Variants in NELL1 observed in about 807,000 individuals in gnomAD.
NELL1 encodes protein kinase C-binding protein NELL1.
Under a neutral mutation model 107.4 loss-of-function variants are expected in NELL1, and 76 were observed. That is an observed-to-expected ratio of 0.71 (90% CI 0.59 to 0.86). NELL1 has a LOEUF of 0.86. Ranked by LOEUF, NELL1 falls within the 40% of genes least tolerant of loss-of-function variation. The probability of loss-of-function intolerance (pLI) is 0.00; values close to 1 mark genes in which losing one functional copy is unlikely to be tolerated. For missense variants in NELL1, 1,024 were observed against 1,005.5 expected (o/e 1.02, Z -0.25); for synonymous variants, 353 against 341.2 (o/e 1.03, Z -0.38).
At chr11:21,147,185 T>C (rs192394695) in intron 13 of NELL1, among the ~76,000 whole-genome samples, 4 of 152,332 alleles carry the variant, frequency 2.6e-5, no homozygotes, top group Admixed American at 2.6e-4. Flanking sequence ...ATTTAATAGC[T>C]GTTATTTGAA....
chr11:21,343,626 G>C (rs1490851046), intron 14 of NELL1, among the ~76,000 whole-genome samples: 1 of 152,108 alleles, frequency 6.6e-6, no homozygotes, highest in Non-Finnish European at 1.5e-5. Flanking sequence ...AGATATTTTA[G>C]CTTTGTGTAG....
intron 12 of NELL1, among the ~76,000 whole-genome samples, chr11:20,962,628 T>C (rs1488236687): frequency 3.3e-5 from 5 of 152,200 alleles, no homozygotes; most frequent in African/African-American, 1.2e-4. Flanking sequence ...AAAGACTGGC[T>C]CCATGAGGAG....
chr11:21,156,327 G>A (rs1308861643), intron 13 of NELL1, among the ~76,000 whole-genome samples: 3 of 152,178 alleles, frequency 2.0e-5, no homozygotes. Context: ...TGCTCCAGCA[G>A]GGCACAGTTG....
At chr11:21,242,670 A>G (rs1205217404) in intron 14 of NELL1, among the ~76,000 whole-genome samples, 1 of 151,790 alleles carries the variant, frequency 6.6e-6, no homozygotes, top group Non-Finnish European at 1.5e-5. Context: ...AATTACTGTG[A>G]ATATCCAGAG....
intron 7 of NELL1, among the ~76,000 whole-genome samples, chr11:20,926,014 A>G (rs1564970316): frequency 6.6e-6 from 1 of 152,190 alleles, no homozygotes; most frequent in Admixed American, 6.5e-5. Flanking sequence ...AGTTAGATCA[A>G]AGGTTGAATT....
intron 14 of NELL1, among the ~76,000 whole-genome samples, chr11:21,349,290 G>A (rs1389651537): frequency 6.6e-6 from 1 of 152,158 alleles, no homozygotes; most frequent in African/African-American, 2.4e-5. Context: ...GCATTAACAT[G>A]TATGACAATA....
At chr11:21,001,301 C>G (rs1210902969) in intron 12 of NELL1, among the ~76,000 whole-genome samples, 1 of 152,134 alleles carries the variant, frequency 6.6e-6, no homozygotes, top group Non-Finnish European at 1.5e-5. Context: ...AAGTTGTTCC[C>G]ACTTTTTCCC....
intron 2 of NELL1, among the ~76,000 whole-genome samples, chr11:20,749,006 T>C (rs184527943): frequency 3.3e-5 from 5 of 151,844 alleles, no homozygotes; most frequent in African/African-American, 1.2e-4. Context: ...TAGGAATTGT[T>C]TTAAGCAATA....
intron 15 of NELL1, among the ~76,000 whole-genome samples, chr11:21,499,823 G>C (rs1377126378): frequency 6.6e-6 from 1 of 152,084 alleles, no homozygotes; most frequent in African/African-American, 2.4e-5. Context: ...TAATCACTGT[G>C]TTGCATCCTT....
At chr11:21,447,474 T>C (rs2133853579) in intron 15 of NELL1, among the ~76,000 whole-genome samples, 1 of 152,256 alleles carries the variant, frequency 6.6e-6, no homozygotes, top group South Asian at 2.1e-4. Flanking sequence ...GGCCATGGGC[T>C]CTTAAATCAG....
At chr11:21,047,728 G>A (rs1257922552) in intron 12 of NELL1, among the ~76,000 whole-genome samples, 1 of 152,106 alleles carries the variant, frequency 6.6e-6, no homozygotes, top group East Asian at 1.9e-4. Flanking sequence ...GAAATGTTTA[G>A]CCAGACTTCA....
Position 20,927,459 on chromosome 11 carries a change from A to G in NELL1, c.894+17A>G, listed in dbSNP as rs1850525233. 1.2e-6 allele frequency: 2 copies of G among 1,602,428 alleles called. No homozygotes were observed. The highest frequency in any genetic ancestry group is 1.3e-5 in the African/African-American group (1 of 74,274). ...ACTTGCAAAGTAAGCCTCTTTGTAA[A>G]TAAATACAGTAAAAACAGTTTTAAG... On this transcript the variant is annotated intron_variant, in intron 8 of 19. Transcript: ENST00000357134.
chr11:20,774,514 T>C (rs1294854361), intron 2 of NELL1, among the ~76,000 whole-genome samples: 3 of 144,946 alleles, frequency 2.1e-5, no homozygotes, highest in Non-Finnish European at 4.6e-5. Context: ...TACAGGCATA[T>C]GCTACCATGC....
chr11:21,066,357 C>T (rs1220173518), intron 12 of NELL1, among the ~76,000 whole-genome samples: 2 of 152,240 alleles, frequency 1.3e-5, no homozygotes, highest in Middle Eastern at 3.4e-3. Flanking sequence ...TTACTTTCTT[C>T]TCTTACTGTA....
chr11:20,859,547 A>C (rs1006636831), intron 4 of NELL1, among the ~76,000 whole-genome samples: 3 of 152,170 alleles, frequency 2.0e-5, no homozygotes, highest in Non-Finnish European at 4.4e-5. Flanking sequence ...TAGACGTTAC[A>C]CTAGTCTCCA....
chr11:20,899,952 C>G (rs989145756), intron 5 of NELL1, among the ~76,000 whole-genome samples: 1 of 152,102 alleles, frequency 6.6e-6, no homozygotes, highest in East Asian at 1.9e-4. Flanking sequence ...GATTGAAAGT[C>G]TATTGTACCA....
chr11:20,923,626 T>C (rs1357934457), intron 7 of NELL1, among the ~76,000 whole-genome samples: 3 of 152,272 alleles, frequency 2.0e-5, no homozygotes, highest in Non-Finnish European at 4.4e-5. Flanking sequence ...AGATCCCAAC[T>C]GCACTGTAAT....
In NELL1 at chr11:20,989,951, C is replaced by T. The variant is rs372086512; in HGVS notation, c.1300+29391C>T. ...GGCAGAGCTTGCAGTGAGCCGAGAT[C>T]GCGCCACTGCACTCCAGCCTGGGAG... On this transcript the variant is annotated intron_variant, in intron 12 of 19. Coordinates refer to ENST00000357134, the MANE Select transcript of NELL1 (RefSeq NM_006157.5). Among the ~76,000 whole-genome samples, 7 of 150,814 alleles carry T rather than the reference C, an allele frequency of 4.6e-5. No homozygotes were observed. In the South Asian group the frequency reaches 1.1e-3, roughly 23 times the overall value.
At chr11:21,230,615 T>C (rs1003470228) in intron 14 of NELL1, among the ~76,000 whole-genome samples, 1 of 152,160 alleles carries the variant, frequency 6.6e-6, no homozygotes, top group Admixed American at 6.5e-5. Context: ...CAAAGATACA[T>C]AGTAAACACA....
Sources: allele counts gnomAD v4.1 joint callset (sites outside exome capture counted in the v4.1 genomes callset), GRCh38; gene constraint gnomAD v4.1.1; transcripts MANE v1.5; gene names NCBI Gene and HGNC (gene_info 2026-07-23, HGNC 2026-07-21).